TESK2: variants seen among roughly 807,000 people sequenced by gnomAD.
The protein encoded by TESK2 is testis associated actin remodelling kinase 2.
TESK2 carries 39 observed loss-of-function variants against 57.1 expected under a neutral mutation model. That is an observed-to-expected ratio of 0.68 (90% CI 0.53 to 0.89). The LOEUF (loss-of-function observed/expected upper bound fraction) is 0.89, where lower values mean the gene tolerates loss of function less well. Among genes scored for constraint, TESK2 ranks in the 40% least tolerant of loss-of-function variants. The pLI, the probability that TESK2 is intolerant of heterozygous loss-of-function variation, is 0.00. For synonymous variants in TESK2, 249 were observed against 267.9 expected, an observed-to-expected ratio of 0.93 and a Z score of 0.69; for missense variants, 646 against 732.1, an observed-to-expected ratio of 0.88 and a Z score of 1.36.
intron 3 of TESK2, among the ~76,000 whole-genome samples, chr1:45,395,406 T>C (rs1421274047): frequency 6.6e-6 from 1 of 152,124 alleles, no homozygotes; most frequent in African/African-American, 2.4e-5. Flanking sequence ...TATCTAAACA[T>C]AGAAAAGGTA....
At chr1:45,413,951 A>G (rs1224416344) in intron 3 of TESK2, 2 of 410,610 alleles carry the variant, frequency 4.9e-6, no homozygotes, top group Non-Finnish European at 9.7e-6. Flanking sequence ...AAAAATTTAA[A>G]TCCTAAGTAT....
Position 45,431,639 on chromosome 1 carries a change from T to C in TESK2, c.223-9793A>G, listed in dbSNP as rs776712856. On this transcript the variant is annotated intron_variant, in intron 2 of 10. Coordinates refer to ENST00000372086, the MANE Select transcript of TESK2 (RefSeq NM_007170.3). ...ATCCAAAACACCTCTGGTTCCCAGC[T>C]TGTGGATAAGGGATACTCAACCTTT... Among the ~76,000 whole-genome samples the C allele has an allele frequency of 7.2e-5, 11 of 152,138 alleles. 1 individual carries two copies. Among genetic ancestry groups the C allele is most frequent in the Non-Finnish European group, 1.5e-4 (10 of 68,010 alleles).
chr1:45,473,027 G>A (rs1240881638), intron 1 of TESK2, among the ~76,000 whole-genome samples: 6 of 151,160 alleles, frequency 4.0e-5, no homozygotes, highest in African/African-American at 1.2e-4. Flanking sequence ...GGTGGCGGGT[G>A]CCTGTAGTCC....
At chr1:45,413,107 C>T (rs369558416) in intron 3 of TESK2, among the ~76,000 whole-genome samples, 1 of 152,200 alleles carries the variant, frequency 6.6e-6, no homozygotes, top group Admixed American at 6.5e-5. Flanking sequence ...GAGCATAAGA[C>T]TTCCTGGCGT....
intron 2 of TESK2, among the ~76,000 whole-genome samples, chr1:45,433,065 CTTTTTTTTTTTTT>C (rs150419974): frequency 1.8e-4 from 8 of 43,612 alleles, no homozygotes; most frequent in Non-Finnish European, 2.3e-4. Context: ...CGCCCAGCCG[CTTTTTTTTTTTTT>C]TTTTTTTTTT....
intron 3 of TESK2, among the ~76,000 whole-genome samples, chr1:45,396,670 G>A (rs1649373577): frequency 6.8e-6 from 1 of 147,822 alleles, no homozygotes; most frequent in Admixed American, 6.8e-5. Flanking sequence ...TATATTTTTA[G>A]TAGAGACAGG....
At chr1:45,486,623 C>T (rs931528588) in intron 1 of TESK2, among the ~76,000 whole-genome samples, 7 of 149,762 alleles carry the variant, frequency 4.7e-5, no homozygotes, top group Admixed American at 2.7e-4. Flanking sequence ...TGCAGTGAGC[C>T]GAGATCTTGC....
chr1:45,439,745 G>T (rs150314024), intron 2 of TESK2, among the ~76,000 whole-genome samples: 1 of 152,022 alleles, frequency 6.6e-6, no homozygotes, highest in South Asian at 2.1e-4. Context: ...GCTTGAGCCC[G>T]GGAGTTCAAG....
At chr1:45,391,286 T>C (rs1043425331) in intron 3 of TESK2, among the ~76,000 whole-genome samples, 5 of 149,674 alleles carry the variant, frequency 3.3e-5, no homozygotes, top group African/African-American at 1.2e-4. Context: ...AGTGTGATTA[T>C]AGCTCACTGC....
intron 4 of TESK2, among the ~76,000 whole-genome samples, chr1:45,383,998 T>C (rs933057398): frequency 1.3e-5 from 2 of 152,154 alleles, no homozygotes; most frequent in African/African-American, 2.4e-5. Context: ...ATGAAAAATA[T>C]TAACAATTCA....
intron 3 of TESK2, among the ~76,000 whole-genome samples, chr1:45,386,931 C>T (rs969704716): frequency 4.6e-5 from 7 of 152,144 alleles, no homozygotes; most frequent in South Asian, 4.1e-4. Context: ...GGATTACAGG[C>T]GTGAGCCACC....
chr1:45,377,420 A>ATTTT (rs752265198), intron 4 of TESK2, among the ~76,000 whole-genome samples: 4 of 134,712 alleles, frequency 3.0e-5, no homozygotes, highest in African/African-American at 8.2e-5. Context: ...GAGAACAAGG[A>ATTTT]TTTTTTTTTT....
chr1:45,390,226 A>G (rs1373008180), intron 3 of TESK2, among the ~76,000 whole-genome samples: 1 of 152,112 alleles, frequency 6.6e-6, no homozygotes, highest in African/African-American at 2.4e-5. Context: ...AGCCCAGGAG[A>G]TCAAGACCAG....
intron 4 of TESK2, among the ~76,000 whole-genome samples, chr1:45,373,766 A>G (rs1242222528): frequency 6.6e-6 from 1 of 152,216 alleles, no homozygotes; most frequent in Non-Finnish European, 1.5e-5. Context: ...GTAAATACAG[A>G]AAGTGCAGAC....
intron 3 of TESK2, among the ~76,000 whole-genome samples, chr1:45,417,021 C>T (rs575227844): frequency 6.6e-6 from 1 of 151,866 alleles, no homozygotes; most frequent in East Asian, 1.9e-4. Flanking sequence ...CTCTTGACCT[C>T]GTGATCCACC....
chr1:45,485,595 T>G (rs1424880969), intron 1 of TESK2, among the ~76,000 whole-genome samples: 1 of 151,482 alleles, frequency 6.6e-6, no homozygotes, highest in East Asian at 1.9e-4. Flanking sequence ...CTCGGCTCAC[T>G]GCAACCTCCA....
intron 2 of TESK2, among the ~76,000 whole-genome samples, chr1:45,424,780 G>T (rs1650621645): frequency 1.3e-5 from 2 of 152,116 alleles, no homozygotes; most frequent in South Asian, 4.1e-4. Context: ...ATCAATCAAT[G>T]TGATACATTA....
chr1:45,381,337 TG>T (rs1648645758), intron 4 of TESK2, among the ~76,000 whole-genome samples: 1 of 152,204 alleles, frequency 6.6e-6, no homozygotes, highest in African/African-American at 2.4e-5. Flanking sequence ...GGCATATTCC[TG>T]ATAAGGGCAG....
chr1:45,345,752 TCTC>T, intron 10 of TESK2, 122 bp downstream of exon 10: 1 of 920,924 alleles, frequency 1.1e-6, no homozygotes. Flanking sequence ...TTCTGCATCA[TCTC>T]CTTCCCCTCC....
Sources: gnomAD v4.1 joint callset for allele counts (sites outside exome capture counted in the v4.1 genomes callset) on GRCh38, gnomAD v4.1.1 for gene constraint, MANE v1.5 for transcripts, NCBI Gene and HGNC (gene_info 2026-07-23, HGNC 2026-07-21) for gene names.